ITFG1: variants seen among roughly 807,000 people sequenced by gnomAD.
ITFG1 encodes the protein T-cell immunomodulatory protein.
Under a neutral mutation model 81.8 loss-of-function variants are expected in ITFG1, and 34 were observed. The ratio of observed to expected loss-of-function variants is 0.42; its 90% confidence interval spans 0.32 to 0.55. The LOEUF (loss-of-function observed/expected upper bound fraction) is 0.55, where lower values mean the gene tolerates loss of function less well. Ranked by LOEUF, ITFG1 falls within the 20% of genes least tolerant of loss-of-function variation. The pLI is 0.17. For synonymous variants in ITFG1, 285 were observed against 270.6 expected, an observed-to-expected ratio of 1.05 and a Z score of -0.52; for missense variants, 672 against 755.4, an observed-to-expected ratio of 0.89 and a Z score of 1.29.
chr16:47,325,528 G>T (rs1165770161), intron 8 of ITFG1, among the ~76,000 whole-genome samples: 4 of 151,990 alleles, frequency 2.6e-5, no homozygotes, highest in South Asian at 2.1e-4. Flanking sequence ...AATCAATGAA[G>T]CCAGGAGCTG....
rs202193719 is a variant in ITFG1 at position 47,384,694 on chromosome 16, AT to A, written c.656-8755del. 5.8e-3 allele frequency among the ~76,000 whole-genome samples: 877 copies of A among 152,214 alleles called. 7 individuals are homozygous for A. The highest frequency in any genetic ancestry group is 0.02 in the African/African-American group (834 of 41,526). ...AATGATGTGAAAGAATGATCATCAA[AT>A]TTTTTTTCCACGTCATATCCACCAA... On this transcript the variant is annotated intron_variant, in intron 6 of 17. Coordinates refer to ENST00000320640, the MANE Select transcript of ITFG1 (RefSeq NM_030790.5).
intron 14 of ITFG1, among the ~76,000 whole-genome samples, chr16:47,182,944 T>C (rs1023658741): frequency 6.6e-6 from 1 of 152,102 alleles, no homozygotes; most frequent in African/African-American, 2.4e-5. Flanking sequence ...GGGCGAGCCA[T>C]TGCCTCACTC....
At chr16:47,291,587 T>C (rs1232841503) in intron 10 of ITFG1, among the ~76,000 whole-genome samples, 2 of 152,234 alleles carry the variant, frequency 1.3e-5, no homozygotes, top group African/African-American at 4.8e-5. Flanking sequence ...TTACTATTTG[T>C]GTGCCTATTG....
intron 7 of ITFG1, among the ~76,000 whole-genome samples, chr16:47,369,635 G>A (rs939347169): frequency 1.3e-5 from 2 of 151,906 alleles, no homozygotes; most frequent in African/African-American, 4.8e-5. Context: ...TTTAGTATGA[G>A]AGTAATTTTG....
intron 14 of ITFG1, among the ~76,000 whole-genome samples, chr16:47,199,053 C>A (rs2151519985): frequency 6.6e-6 from 1 of 152,180 alleles, no homozygotes; most frequent in South Asian, 2.1e-4. Flanking sequence ...ACAGGTGGAT[C>A]ACTTGAGGCC....
At chr16:47,342,751 T>C (rs879543426) in intron 8 of ITFG1, among the ~76,000 whole-genome samples, 10 of 152,102 alleles carry the variant, frequency 6.6e-5, no homozygotes, top group Non-Finnish European at 1.5e-4. Flanking sequence ...AGCAATTTCA[T>C]TTACAATAAT....
intron 10 of ITFG1, among the ~76,000 whole-genome samples, chr16:47,295,923 G>A (rs1966974328): frequency 6.6e-6 from 1 of 152,000 alleles, no homozygotes; most frequent in Non-Finnish European, 1.5e-5. Context: ...TGGGAGGCAG[G>A]GCCTCACTCT....
At chr16:47,315,646 T>C (rs553112760) in intron 8 of ITFG1, among the ~76,000 whole-genome samples, 2 of 152,176 alleles carry the variant, frequency 1.3e-5, no homozygotes, top group African/African-American at 4.8e-5. Context: ...TAAACATATA[T>C]CTAACTCGTG....
intron 8 of ITFG1, among the ~76,000 whole-genome samples, chr16:47,356,776 G>T (rs1188031509): frequency 6.6e-6 from 1 of 152,184 alleles, no homozygotes; most frequent in South Asian, 2.1e-4. Context: ...AAAATGTGGA[G>T]TTACGGAGGG....
chr16:47,338,135 C>T (rs183389933), intron 8 of ITFG1, among the ~76,000 whole-genome samples: 3 of 152,272 alleles, frequency 2.0e-5, no homozygotes, highest in East Asian at 3.9e-4. Flanking sequence ...ATAGGCCAGG[C>T]GCAGTGGCCC....
intron 6 of ITFG1, among the ~76,000 whole-genome samples, chr16:47,415,202 A>G (rs952021837): frequency 2.0e-5 from 3 of 152,210 alleles, no homozygotes; most frequent in African/African-American, 7.2e-5. Flanking sequence ...TGTTTCCTCA[A>G]TGCAGATGCT....
At chr16:47,431,718 T>C (rs1291816239) in intron 5 of ITFG1, among the ~76,000 whole-genome samples, 2 of 152,200 alleles carry the variant, frequency 1.3e-5, no homozygotes, top group Non-Finnish European at 2.9e-5. Context: ...TTATGTGAAT[T>C]TTATCTTACT....
chr16:47,260,714 G>A lies in ITFG1; in HGVS notation c.1071-19C>T. ...CTGGTTGCTGTGCGCCAAAGGAAAG[G>A]CATTTCGTTAATATAAACATCAACA... On this transcript the variant is annotated intron_variant, in intron 10 of 17. Transcript: ENST00000320640. 6.2e-7 allele frequency: 1 copy of A among 1,613,718 alleles called. No individual in the cohort carries two copies. The highest frequency in any genetic ancestry group is 8.5e-7 in the Non-Finnish European group (1 of 1,179,684).
chr16:47,437,437 C>T (rs191124162), intron 5 of ITFG1, among the ~76,000 whole-genome samples: 9 of 147,432 alleles, frequency 6.1e-5, no homozygotes, highest in East Asian at 2.0e-4. Flanking sequence ...CACTGCACTT[C>T]GGCCTGGGTG....
chr16:47,318,891 A>G (rs968947941), intron 8 of ITFG1, among the ~76,000 whole-genome samples: 1 of 152,226 alleles, frequency 6.6e-6, no homozygotes, highest in South Asian at 2.1e-4. Flanking sequence ...TGCAGTTGGT[A>G]GAAGTATTAA....
chr16:47,236,800 T>A (rs1440923131), intron 13 of ITFG1, among the ~76,000 whole-genome samples: 3 of 152,142 alleles, frequency 2.0e-5, no homozygotes, highest in Non-Finnish European at 4.4e-5. Flanking sequence ...CATGCTGCAG[T>A]GACTGTGGTG....
chr16:47,205,731 T>C (rs751576889), intron 14 of ITFG1, among the ~76,000 whole-genome samples: 5 of 152,096 alleles, frequency 3.3e-5, no homozygotes, highest in African/African-American at 7.2e-5. Flanking sequence ...CACACAGAGA[T>C]TGAACATCCA....
intron 3 of ITFG1, among the ~76,000 whole-genome samples, chr16:47,453,594 G>A (rs1192708593): frequency 2.0e-5 from 3 of 152,224 alleles, no homozygotes; most frequent in Non-Finnish European, 4.4e-5. Flanking sequence ...GAGACCAGGT[G>A]CAGCATTCAT....
At chr16:47,426,996 G>A (rs910173085) in intron 6 of ITFG1, among the ~76,000 whole-genome samples, 2 of 152,148 alleles carry the variant, frequency 1.3e-5, no homozygotes, top group Admixed American at 6.5e-5. Flanking sequence ...AAGTGGGGGC[G>A]GAGGTGGGGA....
Sources: gnomAD v4.1 joint callset for allele counts (sites outside exome capture counted in the v4.1 genomes callset) on GRCh38, gnomAD v4.1.1 for gene constraint, MANE v1.5 for transcripts, NCBI Gene and HGNC (gene_info 2026-07-23, HGNC 2026-07-21) for gene names.